Variants in CALN1 observed in about 807,000 individuals in gnomAD.
CALN1 encodes the protein calcium-binding protein 8.
A neutral mutation model predicts 30.6 loss-of-function variants in CALN1; 17 were observed. That is an observed-to-expected ratio of 0.56 (90% CI 0.38 to 0.83). The LOEUF is 0.83. Among genes scored for constraint, CALN1 ranks in the 40% least tolerant of loss-of-function variants. The probability of loss-of-function intolerance (pLI) is 0.00; values close to 1 mark genes in which losing one functional copy is unlikely to be tolerated. For missense variants in CALN1, 291 were observed against 354.9 expected (o/e 0.82, Z 1.45); for synonymous variants, 156 against 131.4 (o/e 1.19, Z -1.28).
At chr7:72,479,555 T>C in the CALN1 span, among the ~76,000 whole-genome samples, 99 of 139,024 alleles carry the variant, frequency 7.1e-4, no homozygotes, top group African/African-American at 2.5e-3. Context: ...TAGCACAATT[T>C]TTTTTTTTTT....
rs1374834752 is a variant in CALN1, at chr7:71,779,760, G to A, written c.*8015C>T. 6.6e-6 allele frequency: 1 copy of A among 152,006 alleles called. No homozygotes were observed. The highest frequency in any genetic ancestry group is 1.5e-5 in the Non-Finnish European group (1 of 67,994). The allele number at this position is 152,006 out of a possible 1,614,324, so 9.4% of individuals were successfully genotyped here. A position where few individuals can be genotyped will look rare whatever the true frequency, so the allele number is the denominator to read the frequency against. On this transcript the variant is annotated 3_prime_UTR_variant, in exon 7 of 7. Coordinates refer to ENST00000395275, the MANE Select transcript of CALN1 (RefSeq NM_031468.4). ...CTGCTGACTTTCTCATCACTTAATA[G>A]CAGAAATCATCAACTAATACTGAAT...
At chr7:72,406,628 CTTTTTT>C (rs1168667314) in intron 1 of CALN1, among the ~76,000 whole-genome samples, 2 of 144,732 alleles carry the variant, frequency 1.4e-5, no homozygotes, top group Non-Finnish European at 3.0e-5. Flanking sequence ...TTTTTTTTTT[CTTTTTT>C]AAGACGGAGT....
At chr7:71,893,786 A>C (rs1464628423) in intron 5 of CALN1, among the ~76,000 whole-genome samples, 1 of 152,014 alleles carries the variant, frequency 6.6e-6, no homozygotes, top group Non-Finnish European at 1.5e-5. Flanking sequence ...ATGAACCATT[A>C]AGGTTTCCTC....
intron 3 of CALN1, among the ~76,000 whole-genome samples, chr7:72,268,253 A>C (rs1426414622): frequency 2.0e-5 from 3 of 152,270 alleles, no homozygotes; most frequent in Non-Finnish European, 4.4e-5. Context: ...CAAGAAGCTT[A>C]AACAAAAGCG....
At chr7:71,812,987 C>T (rs1788053579) in intron 5 of CALN1, among the ~76,000 whole-genome samples, 1 of 150,458 alleles carries the variant, frequency 6.6e-6, no homozygotes, top group South Asian at 2.1e-4. Context: ...CTTGCTCTGT[C>T]ACCCAGGCTG....
chr7:72,187,450 G>A (rs1476983523), intron 3 of CALN1, among the ~76,000 whole-genome samples: 1 of 152,138 alleles, frequency 6.6e-6, no homozygotes, highest in Non-Finnish European at 1.5e-5. Context: ...ATTACCTCCT[G>A]AGCTCTGCCT....
At chr7:72,401,794 G>A (rs1014493538) in intron 2 of CALN1, among the ~76,000 whole-genome samples, 3 of 152,214 alleles carry the variant, frequency 2.0e-5, no homozygotes, top group Admixed American at 1.3e-4. Context: ...CAGATCTAGA[G>A]GTAGGCAAAT....
rs139832527 is a variant in CALN1, at chr7:72,279,435, C to T, written c.120-625G>A. 4.1e-3 allele frequency among the ~76,000 whole-genome samples: 627 copies of T among 152,310 alleles called. 4 individuals carry two copies. The highest frequency in any genetic ancestry group is 5.7e-3 in the Admixed American group (87 of 15,296). ...GTGTGAGCACACACATTCTGAAATG[C>T]TAATCACACCTGCCCTGCTGGAAAC... is the stretch of plus-strand genomic sequence containing the variant. On this transcript the variant is annotated intron_variant, in intron 2 of 6. Coordinates refer to ENST00000395275, the MANE Select transcript of CALN1 (RefSeq NM_031468.4).
At chr7:72,386,838 G>C (rs1001715481) in intron 2 of CALN1, among the ~76,000 whole-genome samples, 4 of 152,034 alleles carry the variant, frequency 2.6e-5, no homozygotes, top group African/African-American at 9.7e-5. Context: ...TTGTCACCTT[G>C]CCCTGGCTGG....
intron 5 of CALN1, among the ~76,000 whole-genome samples, chr7:71,903,709 T>C (rs562453591): frequency 6.6e-6 from 1 of 152,232 alleles, no homozygotes; most frequent in Non-Finnish European, 1.5e-5. Flanking sequence ...CAAATAGGAT[T>C]ATATCAAACT....
At chr7:71,872,621 T>G (rs1316713441) in intron 5 of CALN1, among the ~76,000 whole-genome samples, 1 of 143,968 alleles carries the variant, frequency 6.9e-6, no homozygotes, top group Non-Finnish European at 1.5e-5. Flanking sequence ...TCTTTTTTTC[T>G]TTTTTTTTTT....
rs750147238 is a variant in CALN1, at chr7:71,823,466, T to G, written c.502-12974A>C. Among the ~76,000 whole-genome samples the G allele has an allele frequency of 1.6e-4, 25 of 152,324 alleles. No homozygotes were observed. The South Asian group carries it at 5.2e-3, about 32-fold the overall frequency. ...CGGGAGCGGTGGCTCACGCCTGTAA[T>G]CCCAGCACTTTGGGTGGCCAAGGCA... On this transcript the variant is annotated intron_variant, in intron 5 of 6. Transcript: ENST00000395275.
intron 5 of CALN1, among the ~76,000 whole-genome samples, chr7:71,872,172 C>T (rs1390941787): frequency 1.3e-5 from 2 of 152,174 alleles, no homozygotes. Flanking sequence ...TGACTGTTTG[C>T]ACATTTGATC....
At chr7:72,216,819 A>G (rs1327987123) in intron 3 of CALN1, among the ~76,000 whole-genome samples, 2 of 152,136 alleles carry the variant, frequency 1.3e-5, no homozygotes, top group African/African-American at 2.4e-5. Context: ...TAGCACAATC[A>G]CGGCTTACAG....
chr7:72,109,263 G>C (rs1186450622), intron 3 of CALN1, among the ~76,000 whole-genome samples: 1 of 152,164 alleles, frequency 6.6e-6, no homozygotes. Context: ...CAGGACCCTA[G>C]GCTCCCAGCC....
intron 5 of CALN1, among the ~76,000 whole-genome samples, chr7:71,840,870 A>G (rs772302451): frequency 2.0e-5 from 3 of 151,898 alleles, no homozygotes; most frequent in Non-Finnish European, 4.4e-5. Context: ...GGAAAACCAC[A>G]TTTTGGATAC....
chr7:72,391,082 T>C (rs929204725), intron 2 of CALN1, among the ~76,000 whole-genome samples: 36 of 152,224 alleles, frequency 2.4e-4, no homozygotes, highest in Non-Finnish European at 3.2e-4. Context: ...TATATACATA[T>C]GCTGTGTGTT....
upstream of CALN1, among the ~76,000 whole-genome samples, chr7:72,416,334 T>C (rs547526552): frequency 6.6e-6 from 1 of 152,338 alleles, no homozygotes; most frequent in East Asian, 1.9e-4. Flanking sequence ...ACACTGCCTA[T>C]GGAGTACCCC....
intron 2 of CALN1, among the ~76,000 whole-genome samples, chr7:72,297,472 T>C (rs1010588742): frequency 6.6e-6 from 1 of 152,200 alleles, no homozygotes. Context: ...GAATTCTACA[T>C]GCAACTCCAG....
Sources: allele counts gnomAD v4.1 joint callset (sites outside exome capture counted in the v4.1 genomes callset), GRCh38; gene constraint gnomAD v4.1.1; transcripts MANE v1.5; gene names NCBI Gene and HGNC (gene_info 2026-07-23, HGNC 2026-07-21).